Variants in ADAMTS2 observed in about 807,000 individuals in gnomAD.
ADAMTS2 encodes A disintegrin and metalloproteinase with thrombospondin motifs 2.
ADAMTS2 carries 50 observed loss-of-function variants against 123.0 expected under a neutral mutation model. That is an observed-to-expected ratio of 0.41 (90% CI 0.32 to 0.51). The LOEUF is 0.51. Among genes scored for constraint, ADAMTS2 ranks in the 20% least tolerant of loss-of-function variants. The pLI, the probability that ADAMTS2 is intolerant of heterozygous loss-of-function variation, is 0.35. For synonymous variants in ADAMTS2, 678 were observed against 695.4 expected (o/e 0.98, Z 0.39); for missense variants, 1,494 against 1,705.2 (o/e 0.88, Z 2.18).
At chr5:179,253,442 G>A (rs897846309) in intron 3 of ADAMTS2, among the ~76,000 whole-genome samples, 2 of 152,052 alleles carry the variant, frequency 1.3e-5, no homozygotes, top group East Asian at 1.9e-4. Flanking sequence ...CCAGGAGTTC[G>A]AGACCAGCCT....
chr5:179,135,162 A>AGCTCCCAGCTCCCGG (rs1561772156), intron 13 of ADAMTS2, among the ~76,000 whole-genome samples: 4 of 25,554 alleles, frequency 1.6e-4, no homozygotes, highest in Non-Finnish European at 1.9e-4. Context: ...CCAGCTCCCG[A>AGCTCCCAGCTCCCGG]CTCCAGCTCC....
rs777490675 is a variant in ADAMTS2 at position 179,125,028 on chromosome 5, C to T, written c.2903G>A (p.Arg968Gln). The T allele has an allele frequency of 5.3e-5, 86 of 1,607,644 alleles. No individual in the cohort carries two copies. Among genetic ancestry groups the T allele is most frequent in the Middle Eastern group, 1.6e-4 (1 of 6,074 alleles). ...HCNDARPESR[R>Q]ACSRELCPGR... ...AGGGCAGAGCTCGCGGCTGCAGGCCCGGCGGCTCTCGGGCCGGGCGTCATT... is the reference window on the plus strand; with the variant it reads ...AGGGCAGAGCTCGCGGCTGCAGGCCTGGCGGCTCTCGGGCCGGGCGTCATT... The change falls in exon 19 of 22, where the codon CGG becomes CAG. Residue 968 changes from arginine to glutamine, a missense_variant. Physicochemically the swap from Arg to Gln is conservative, Grantham distance 43. Transcript: ENST00000251582.
intron 2 of ADAMTS2, among the ~76,000 whole-genome samples, chr5:179,323,899 T>C (rs1167202225): frequency 6.6e-6 from 1 of 152,230 alleles, no homozygotes; most frequent in Non-Finnish European, 1.5e-5. Flanking sequence ...ACCCAATCCA[T>C]CAACCCATGA....
intron 2 of ADAMTS2, among the ~76,000 whole-genome samples, chr5:179,333,882 C>T (rs1031517319): frequency 1.3e-5 from 2 of 152,192 alleles, no homozygotes; most frequent in African/African-American, 4.8e-5. Flanking sequence ...GCGTGAGCCA[C>T]TGTGCCCCGC....
At chr5:179,203,652 G>C (rs571091478) in intron 4 of ADAMTS2, among the ~76,000 whole-genome samples, 6 of 152,258 alleles carry the variant, frequency 3.9e-5, no homozygotes, top group Non-Finnish European at 8.8e-5. Flanking sequence ...CCATCCAGGT[G>C]AAAATTAATC....
At chr5:179,324,964 T>C (rs529210835) in intron 2 of ADAMTS2, among the ~76,000 whole-genome samples, 2 of 152,284 alleles carry the variant, frequency 1.3e-5, no homozygotes, top group South Asian at 2.1e-4. Context: ...GCAAAGCCCA[T>C]GAGGCCCAAG....
Position 179,139,016 on chromosome 5 carries a change from A to G in ADAMTS2, c.1775+874T>C, listed in dbSNP as rs955560305. 3.9e-5 allele frequency among the ~76,000 whole-genome samples: 6 copies of G among 152,262 alleles called. 1 individual carries two copies. The highest frequency in any genetic ancestry group is 1.3e-4 in the Admixed American group (2 of 15,288). On this transcript the variant is annotated intron_variant, in intron 11 of 21. Transcript: ENST00000251582. ...TTCTAATGTGAAATTACAGATTGTC[A>G]ATATTTTCAGGCAAATCAAAATCTT...
Position 179,234,231 on chromosome 5 carries a change from C to A in ADAMTS2, c.689-26516G>T, listed in dbSNP as rs1005208525. Among the ~76,000 whole-genome samples, 1 of 152,170 alleles carries A rather than the reference C, an allele frequency of 6.6e-6. No homozygotes were observed. Among genetic ancestry groups the A allele is most frequent in the African/African-American group, 2.4e-5 (1 of 41,428 alleles). Reference sequence around the variant, plus strand: ...ATATCACCAGCCCTCGAGGCTTAACCCCTGCTCTGTGGGGGATTCCTGCTG... The same window carrying A: ...ATATCACCAGCCCTCGAGGCTTAACACCTGCTCTGTGGGGGATTCCTGCTG... On this transcript the variant is annotated intron_variant, in intron 3 of 21. Transcript: ENST00000251582. This position sits in a 1 kb window ranked among gnomAD's most constrained non-coding sequence, Gnocchi z 4.7.
chr5:179,153,339 TG>T, intron 9 of ADAMTS2, 151 bp downstream of exon 9: 6 of 1,210,294 alleles, frequency 5.0e-6, no homozygotes, highest in Non-Finnish European at 6.9e-6. Flanking sequence ...GGGTGGGGAG[TG>T]GTGGGTGCAG....
At chr5:179,198,524 C>T (rs7705793) in intron 4 of ADAMTS2, among the ~76,000 whole-genome samples, 9,147 of 152,266 alleles carry the variant, frequency 0.06, 373 homozygotes, top group Middle Eastern at 0.14. Context: ...AGGAGGGCTA[C>T]AGCTGCGTGT....
chr5:179,315,263 A>G (rs1232181661), intron 2 of ADAMTS2, among the ~76,000 whole-genome samples: 2 of 152,058 alleles, frequency 1.3e-5, no homozygotes, highest in African/African-American at 4.8e-5. Context: ...CACTGAGGCC[A>G]CAGTTGGCTT....
intron 3 of ADAMTS2, among the ~76,000 whole-genome samples, chr5:179,210,929 G>A (rs1455483853): frequency 6.6e-6 from 1 of 152,248 alleles, no homozygotes; most frequent in Non-Finnish European, 1.5e-5. Flanking sequence ...AGGCCATGAA[G>A]AGACTCTGAC....
At position 179,188,734 on chromosome 5, in the gene ADAMTS2, C is replaced by T. The variant is rs139421646; in HGVS notation, c.892-7579G>A. On this transcript the variant is annotated intron_variant, in intron 4 of 21. Coordinates refer to ENST00000251582, the MANE Select transcript of ADAMTS2 (RefSeq NM_014244.5). This position sits in a 1 kb window ranked among gnomAD's most constrained non-coding sequence, Gnocchi z 5.1. Reference sequence around the variant, plus strand: ...CAAGGCCACCCCCTCACTCCTCAGGCGACGTCTCCTGTGCCTGTCCACACT... The same window carrying T: ...CAAGGCCACCCCCTCACTCCTCAGGTGACGTCTCCTGTGCCTGTCCACACT... Among the ~76,000 whole-genome samples, 165 of 152,240 alleles carry T rather than the reference C, an allele frequency of 1.1e-3. No individual in the cohort carries two copies. Among genetic ancestry groups the T allele is most frequent in the African/African-American group, 3.6e-3 (150 of 41,532 alleles).
chr5:179,245,744 C>T (rs13166667), intron 3 of ADAMTS2, among the ~76,000 whole-genome samples: 39,764 of 105,718 alleles, frequency 0.38, 7,458 homozygotes, highest in African/African-American at 0.51. Context: ...CCAGCCTGGG[C>T]GACAGAGCGA....
intron 3 of ADAMTS2, among the ~76,000 whole-genome samples, chr5:179,214,026 C>T (rs17606295): frequency 0.079 from 11,957 of 152,222 alleles, 479 homozygotes; most frequent in Admixed American, 0.11. Context: ...CAAGCACACA[C>T]GGGAGAAGTT....
chr5:179,186,286 C>A (rs1181563300), intron 4 of ADAMTS2, among the ~76,000 whole-genome samples: 1 of 152,224 alleles, frequency 6.6e-6, no homozygotes, highest in Non-Finnish European at 1.5e-5. Flanking sequence ...GGTTCTCCTG[C>A]CCCTGCGTGT....
At chr5:179,309,621 G>A (rs925073216) in intron 2 of ADAMTS2, among the ~76,000 whole-genome samples, 4 of 152,070 alleles carry the variant, frequency 2.6e-5, no homozygotes, top group Non-Finnish European at 5.9e-5. Flanking sequence ...AGCCACGCAT[G>A]GTGGCACGCA....
rs58826147 is a variant in ADAMTS2 at position 179,131,129 on chromosome 5, G to A, written c.2291-1031C>T. Among the ~76,000 whole-genome samples the A allele has an allele frequency of 5.7e-3, 871 of 151,822 alleles. 9 individuals are homozygous for A. The highest frequency in any genetic ancestry group is 0.02 in the African/African-American group (828 of 41,378). On this transcript the variant is annotated intron_variant, in intron 15 of 21. Transcript: ENST00000251582. ...AAATGGAGACCATCCTGGCTAACAC[G>A]GTGAAACCCCGTCTCTAGTAAAAAA...
At chr5:179,191,916 C>T (rs6859791) in intron 4 of ADAMTS2, among the ~76,000 whole-genome samples, 36,492 of 152,052 alleles carry the variant, frequency 0.24, 4,593 homozygotes, top group African/African-American at 0.26. Context: ...CTCCTGCTGG[C>T]GAGGGCCAGG....
Sources: allele counts gnomAD v4.1 joint callset (sites outside exome capture counted in the v4.1 genomes callset), GRCh38; gene constraint gnomAD v4.1.1; non-coding constraint Gnocchi (gnomAD v3.1); transcripts MANE v1.5; gene names NCBI Gene and HGNC (gene_info 2026-07-23, HGNC 2026-07-21).